UGGT2: variants seen among roughly 807,000 people sequenced by gnomAD.
UGGT2 encodes UDP-glucose:glycoprotein glucosyltransferase 2.
UGGT2 carries 180 observed loss-of-function variants against 192.1 expected under a neutral mutation model. The observed-to-expected ratio is 0.94, with a 90% CI of 0.83 to 1.06. UGGT2 has a LOEUF of 1.06. Ranked by LOEUF, UGGT2 falls within the 50% of genes least tolerant of loss-of-function variation. The pLI is 0.00. For missense variants in UGGT2, 1,849 were observed against 1,795.7 expected (o/e 1.03, Z -0.54); for synonymous variants, 580 against 591.0 (o/e 0.98, Z 0.27).
At chr13:95,966,400 T>C (rs943431386) in intron 12 of UGGT2, among the ~76,000 whole-genome samples, 1 of 152,088 alleles carries the variant, frequency 6.6e-6, no homozygotes, top group African/African-American at 2.4e-5. Context: ...GGCATGCTGG[T>C]GGGAGGGGTT....
At chr13:95,913,942 T>C (rs1466034271) in intron 20 of UGGT2, among the ~76,000 whole-genome samples, 3 of 152,082 alleles carry the variant, frequency 2.0e-5, no homozygotes, top group Non-Finnish European at 4.4e-5. Flanking sequence ...TGCCGGGACA[T>C]GGATGAAGCT....
chr13:96,011,792 AGAT>A (rs1279274223), intron 5 of UGGT2, among the ~76,000 whole-genome samples: 14 of 152,124 alleles, frequency 9.2e-5, no homozygotes, highest in African/African-American at 3.1e-4. Flanking sequence ...TGTACATCAC[AGAT>A]GATACTTTTC....
chr13:95,986,655 T>C (rs1456233720), intron 8 of UGGT2, among the ~76,000 whole-genome samples: 1 of 152,092 alleles, frequency 6.6e-6, no homozygotes, highest in Admixed American at 6.6e-5. Flanking sequence ...ATACCTCTTG[T>C]TTCCACAAAT....
intron 20 of UGGT2, among the ~76,000 whole-genome samples, chr13:95,912,679 T>G (rs1015175745): frequency 6.6e-6 from 1 of 152,160 alleles, no homozygotes; most frequent in African/African-American, 2.4e-5. Flanking sequence ...AATTCATAGA[T>G]TCAGTGCCAT....
At chr13:95,814,472 T>C (rs975174376) in intron 38 of UGGT2, among the ~76,000 whole-genome samples, 1 of 152,242 alleles carries the variant, frequency 6.6e-6, no homozygotes, top group Admixed American at 6.5e-5. Context: ...CCCTTTCTTT[T>C]GGCCAATTTT....
intron 10 of UGGT2, chr13:95,983,514 GA>G: frequency 2.1e-6 from 1 of 480,932 alleles, no homozygotes; most frequent in Non-Finnish European, 4.0e-6. Context: ...CTAATTACAA[GA>G]AACAGAATAA....
chr13:95,960,218 A>G (rs1280193302), intron 12 of UGGT2, among the ~76,000 whole-genome samples: 1 of 152,238 alleles, frequency 6.6e-6, no homozygotes, highest in South Asian at 2.1e-4. Flanking sequence ...AAGGAACACA[A>G]TAATTCTCCA....
intron 6 of UGGT2, among the ~76,000 whole-genome samples, chr13:95,997,724 T>A (rs762960346): frequency 1.4e-4 from 22 of 152,068 alleles, no homozygotes; most frequent in African/African-American, 5.1e-4. Flanking sequence ...GAACAGCATA[T>A]GCTAAGGGAT....
intron 17 of UGGT2, among the ~76,000 whole-genome samples, chr13:95,928,355 G>A (rs949427744): frequency 7.1e-5 from 6 of 84,214 alleles, no homozygotes; most frequent in Non-Finnish European, 1.8e-4. Context: ...CCCACCTCCC[G>A]GACAGGACGG....
At chr13:95,959,336 A>G (rs1242906515) in intron 12 of UGGT2, among the ~76,000 whole-genome samples, 1 of 151,740 alleles carries the variant, frequency 6.6e-6, no homozygotes, top group Non-Finnish European at 1.5e-5. Context: ...AAGTGACTTC[A>G]CCCTCTCCAG....
At chr13:95,908,010 A>C (rs1422382883) in intron 20 of UGGT2, among the ~76,000 whole-genome samples, 1 of 152,214 alleles carries the variant, frequency 6.6e-6, no homozygotes, top group Admixed American at 6.5e-5. Context: ...AAAAAAGATA[A>C]GACAAATGGC....
Position 95,926,550 on chromosome 13 carries a change from T to C in UGGT2, c.2200+478A>G, listed in dbSNP as rs2049021262. ...ATATTCATCTATCTGAATAGTTAATTGTACCCTAACAAATCTACGGTCCCA... is the reference window on the plus strand; with the variant it reads ...ATATTCATCTATCTGAATAGTTAATCGTACCCTAACAAATCTACGGTCCCA... On this transcript the variant is annotated intron_variant, in intron 19 of 38. Transcript: ENST00000376747. Among the ~76,000 whole-genome samples, 3 of 152,200 alleles carry C rather than the reference T, an allele frequency of 2.0e-5. No homozygotes were observed. In the South Asian group the frequency reaches 6.2e-4, roughly 31 times the overall value.
chr13:95,995,026 T>A (rs982238359), intron 7 of UGGT2, among the ~76,000 whole-genome samples: 3 of 151,992 alleles, frequency 2.0e-5, no homozygotes, highest in Non-Finnish European at 4.4e-5. Context: ...GTTTCAGAAA[T>A]AAAATCCCAC....
At chr13:95,860,492 A>G (rs969636416) in intron 32 of UGGT2, among the ~76,000 whole-genome samples, 7 of 150,228 alleles carry the variant, frequency 4.7e-5, no homozygotes, top group Non-Finnish European at 4.4e-5. Context: ...TTTTAAGTAA[A>G]AAAAAAAAGC....
intron 17 of UGGT2, among the ~76,000 whole-genome samples, chr13:95,932,311 T>TTG (rs67135742): frequency 0.098 from 13,721 of 139,324 alleles, 642 homozygotes; most frequent in African/African-American, 0.11. Flanking sequence ...GGTATTTTAT[T>TTG]TGTGTGTGTG....
At chr13:95,839,119 A>G (rs1273181370) in intron 36 of UGGT2, among the ~76,000 whole-genome samples, 3 of 152,208 alleles carry the variant, frequency 2.0e-5, no homozygotes, top group Admixed American at 6.5e-5. Flanking sequence ...ATGGAACTCA[A>G]CATGGCTGAG....
At chr13:95,940,645 G>A (rs2049644634) in intron 15 of UGGT2, among the ~76,000 whole-genome samples, 1 of 149,830 alleles carries the variant, frequency 6.7e-6, no homozygotes, top group South Asian at 2.1e-4. Flanking sequence ...TGTAAAGATG[G>A]GGTCTTGCCA....
intron 5 of UGGT2, among the ~76,000 whole-genome samples, chr13:96,011,331 CATGTATCTCATAA>C (rs1188938910): frequency 1.3e-5 from 2 of 151,932 alleles, no homozygotes; most frequent in Non-Finnish European, 2.9e-5. Flanking sequence ...GTTTGTAAAT[CATGTATCTCATAA>C]ATGATTTATA....
At chr13:95,860,715 C>T in intron 32 of UGGT2, 73 bp downstream of exon 32, 5 of 1,015,958 alleles carry the variant, frequency 4.9e-6, no homozygotes, top group Admixed American at 3.2e-5. Flanking sequence ...GTGTATATTC[C>T]TTTATTTTTT....
Sources: gnomAD v4.1 joint callset for allele counts (sites outside exome capture counted in the v4.1 genomes callset) on GRCh38, gnomAD v4.1.1 for gene constraint, MANE v1.5 for transcripts, NCBI Gene and HGNC (gene_info 2026-07-23, HGNC 2026-07-21) for gene names.